Variants in ASPRV1 observed in about 807,000 individuals in gnomAD.
ASPRV1 encodes the protein retroviral-like aspartic protease 1.
Under a neutral mutation model 11.0 loss-of-function variants are expected in ASPRV1, and 7 were observed. The observed-to-expected ratio is 0.64, with a 90% CI of 0.36 to 1.20. ASPRV1 has a LOEUF of 1.20. Among genes scored for constraint, ASPRV1 ranks in the 50% most tolerant of loss-of-function variants. The pLI is 0.02. For missense variants in ASPRV1, 299 were observed against 320.0 expected (o/e 0.93, Z 0.50); for synonymous variants, 136 against 138.4 (o/e 0.98, Z 0.12).
chr2:69,963,335 C>G (rs1024560469), upstream of ASPRV1: 1 of 456,458 alleles, frequency 2.2e-6, no homozygotes, highest in Non-Finnish European at 4.4e-6. Context: ...AAACCTGCAT[C>G]CAGAGAAATG....
At chr2:69,943,172 C>A in the ASPRV1 span, among the ~76,000 whole-genome samples, 1 of 152,190 alleles carries the variant, frequency 6.6e-6, no homozygotes, top group Non-Finnish European at 1.5e-5. Context: ...GCCCCATCAT[C>A]CCACCTACTG....
chr2:70,038,455 TGTAA>T, the ASPRV1 span, among the ~76,000 whole-genome samples: 1 of 152,224 alleles, frequency 6.6e-6, no homozygotes, highest in South Asian at 2.1e-4. Flanking sequence ...GGTGATCACC[TGTAA>T]GTGCTAGCTA....
the ASPRV1 span, among the ~76,000 whole-genome samples, chr2:69,945,035 G>A: frequency 5.3e-5 from 8 of 152,254 alleles, no homozygotes; most frequent in Non-Finnish European, 8.8e-5. Context: ...GATGAGGAGG[G>A]CCACACCAAG....
downstream of ASPRV1, among the ~76,000 whole-genome samples, chr2:69,955,343 C>T (rs180738184): frequency 1.0e-3 from 152 of 152,350 alleles, no homozygotes; most frequent in African/African-American, 3.2e-3. Context: ...CAGATAAGGA[C>T]ACACCTTGAC....
the ASPRV1 span, among the ~76,000 whole-genome samples, chr2:69,980,967 G>C: frequency 5.3e-5 from 8 of 151,966 alleles, no homozygotes; most frequent in Non-Finnish European, 1.2e-4. Flanking sequence ...GTAGAGATGG[G>C]GTTTCTCCAT....
At chr2:70,015,715 C>T in the ASPRV1 span, 1 of 152,232 alleles carries the variant, frequency 6.6e-6, no homozygotes, top group African/African-American at 2.4e-5. Flanking sequence ...GTAACCCCAG[C>T]ACTTTGGGAG....
At chr2:70,027,425 A>G in the ASPRV1 span, among the ~76,000 whole-genome samples, 2 of 152,190 alleles carry the variant, frequency 1.3e-5, no homozygotes, top group Non-Finnish European at 2.9e-5. Context: ...AAAGGAAATC[A>G]GTATATTAAA....
chr2:70,046,254 C>T, the ASPRV1 span: 1 of 152,194 alleles, frequency 6.6e-6, no homozygotes, highest in African/African-American at 2.4e-5. Flanking sequence ...TGGACTCAAG[C>T]AACAGGATCT....
At chr2:69,996,500 T>A in the ASPRV1 span, among the ~76,000 whole-genome samples, 6 of 152,188 alleles carry the variant, frequency 3.9e-5, no homozygotes, top group Non-Finnish European at 8.8e-5. Context: ...AGCTACTTCA[T>A]GGAACAGCAC....
At chr2:69,971,340 GAC>G in the ASPRV1 span, 1 of 151,930 alleles carries the variant, frequency 6.6e-6, no homozygotes, top group African/African-American at 2.4e-5. Flanking sequence ...CTCTTTTAAT[GAC>G]ACTGAAAACT....
the ASPRV1 span, among the ~76,000 whole-genome samples, chr2:70,000,889 G>A: frequency 6.6e-6 from 1 of 151,410 alleles, no homozygotes; most frequent in East Asian, 1.9e-4. Flanking sequence ...ACCAACGGCT[G>A]GCCTGTAAAA....
At chr2:69,957,532 GC>G (rs1007364792), downstream of ASPRV1, among the ~76,000 whole-genome samples, 7 of 151,252 alleles carry the variant, frequency 4.6e-5, no homozygotes, top group Non-Finnish European at 1.0e-4. Context: ...AGCTTGTAGG[GC>G]CCCCTTAACT....
chr2:69,979,061 A>C, the ASPRV1 span, among the ~76,000 whole-genome samples: 3 of 152,096 alleles, frequency 2.0e-5, no homozygotes, highest in African/African-American at 7.2e-5. Flanking sequence ...TTTGAGACAA[A>C]GTCTCATTCT....
At chr2:70,050,036 C>T in the ASPRV1 span, 1 of 152,192 alleles carries the variant, frequency 6.6e-6, no homozygotes, top group Non-Finnish European at 1.5e-5. Flanking sequence ...GTAATCCCAG[C>T]ACTTTTCGAG....
At chr2:69,941,293 C>A in the ASPRV1 span, 1 of 152,170 alleles carries the variant, frequency 6.6e-6, no homozygotes, top group African/African-American at 2.4e-5. Flanking sequence ...AGCTTTCCAT[C>A]CCCTGTTGGC....
the ASPRV1 span, among the ~76,000 whole-genome samples, chr2:70,044,613 C>T: frequency 6.6e-6 from 1 of 152,182 alleles, no homozygotes; most frequent in Non-Finnish European, 1.5e-5. Context: ...GCATGAGCCA[C>T]CACGCCCAGC....
At chr2:70,084,099 G>C in the ASPRV1 span, among the ~76,000 whole-genome samples, 1 of 152,192 alleles carries the variant, frequency 6.6e-6, no homozygotes, top group East Asian at 1.9e-4. Context: ...AAGAGCTGGG[G>C]AAGCTGGGAA....
At chr2:69,984,428 TCCCC>T in the ASPRV1 span, among the ~76,000 whole-genome samples, 3 of 152,096 alleles carry the variant, frequency 2.0e-5, no homozygotes, top group Non-Finnish European at 4.4e-5. Context: ...GTAATAATAA[TCCCC>T]ATTATTTACA....
chr2:70,013,100 T>C, the ASPRV1 span, among the ~76,000 whole-genome samples: 1 of 152,246 alleles, frequency 6.6e-6, no homozygotes, highest in Non-Finnish European at 1.5e-5. Context: ...TTTGATATTA[T>C]AGACTGAAAT....
Sources: allele counts gnomAD v4.1 joint callset (sites outside exome capture counted in the v4.1 genomes callset), GRCh38; gene constraint gnomAD v4.1.1; transcripts MANE v1.5; gene names NCBI Gene and HGNC (gene_info 2026-07-23, HGNC 2026-07-21).